The following ULK4 variants were observed in gnomAD, a reference collection of about 807,000 sequenced individuals.
ULK4 encodes the protein unc-51 like kinase 4.
ULK4 carries 133 observed loss-of-function variants against 160.6 expected under a neutral mutation model. The ratio of observed to expected loss-of-function variants is 0.83; its 90% CI spans 0.72 to 0.96. The LOEUF (loss-of-function observed/expected upper bound fraction) is 0.96. Ranked by LOEUF, ULK4 falls within the 40% of genes least tolerant of loss-of-function variation. The probability of loss-of-function intolerance (pLI) is 0.00; values close to 1 mark genes in which losing one functional copy is unlikely to be tolerated. For missense variants in ULK4, 1,580 were observed against 1,499.5 expected, an observed-to-expected ratio of 1.05 and a Z score of -0.89; for synonymous variants, 534 against 539.8, an observed-to-expected ratio of 0.99 and a Z score of 0.15.
At chr3:41,291,293 G>A (rs2079556158) in intron 35 of ULK4, among the ~76,000 whole-genome samples, 3 of 149,194 alleles carry the variant, frequency 2.0e-5, no homozygotes, top group East Asian at 2.0e-4. Context: ...AGAGAGATAA[G>A]TATAAGAGGA....
intron 31 of ULK4, among the ~76,000 whole-genome samples, chr3:41,583,982 T>G (rs1204323967): frequency 6.6e-6 from 1 of 152,186 alleles, no homozygotes; most frequent in Non-Finnish European, 1.5e-5. Flanking sequence ...CAAAACCTAT[T>G]TGCTTCCAAA....
intron 35 of ULK4, among the ~76,000 whole-genome samples, chr3:41,331,205 C>G (rs6805049): frequency 1.3e-5 from 2 of 152,092 alleles, no homozygotes; most frequent in Non-Finnish European, 1.5e-5. Flanking sequence ...TTGTACCAAG[C>G]AGATGTCCAG....
At chr3:41,587,501 A>T (rs559639007) in intron 31 of ULK4, among the ~76,000 whole-genome samples, 20 of 152,176 alleles carry the variant, frequency 1.3e-4, no homozygotes, top group Non-Finnish European at 2.5e-4. Flanking sequence ...TTGAGGTTGA[A>T]TTTGACTCCA....
At chr3:41,825,979 GC>G (rs1455845084) in intron 18 of ULK4, among the ~76,000 whole-genome samples, 1 of 152,168 alleles carries the variant, frequency 6.6e-6, no homozygotes, top group East Asian at 1.9e-4. Flanking sequence ...AACTCTACAA[GC>G]CAGAAGAGAG....
intron 35 of ULK4, among the ~76,000 whole-genome samples, chr3:41,366,872 T>C (rs764446681): frequency 3.3e-5 from 5 of 152,296 alleles, no homozygotes; most frequent in Middle Eastern, 3.4e-3. Context: ...GGCTTTTGAA[T>C]CTGTTTGATG....
At chr3:41,929,516 A>G (rs1699509963) in intron 5 of ULK4, among the ~76,000 whole-genome samples, 1 of 152,206 alleles carries the variant, frequency 6.6e-6, no homozygotes, top group South Asian at 2.1e-4. Context: ...AGAAAGAAAT[A>G]AAGGGTATTC....
At chr3:41,954,550 G>A in intron 2 of ULK4, 72 bp downstream of exon 2, 5 of 1,513,672 alleles carry the variant, frequency 3.3e-6, no homozygotes, top group Non-Finnish European at 4.4e-6. Flanking sequence ...AATGACTACT[G>A]TGAAAATGCT....
At chr3:41,474,541 C>T (rs930191918) in intron 32 of ULK4, among the ~76,000 whole-genome samples, 112 of 152,110 alleles carry the variant, frequency 7.4e-4, no homozygotes, top group African/African-American at 2.6e-3. Context: ...GCACAACACA[C>T]TCTGCAAAAT....
At chr3:41,882,305 C>A in intron 17 of ULK4, 1 of 702,242 alleles carries the variant, frequency 1.4e-6, no homozygotes, top group Non-Finnish European at 2.6e-6. Context: ...GAAATAAATA[C>A]ATAAAATGCC....
chr3:41,552,702 C>T (rs1174371036), intron 32 of ULK4, among the ~76,000 whole-genome samples: 1 of 150,970 alleles, frequency 6.6e-6, no homozygotes, highest in Admixed American at 6.6e-5. Flanking sequence ...CAATTCCTAT[C>T]AAAGTACTGA....
intron 35 of ULK4, among the ~76,000 whole-genome samples, chr3:41,326,140 G>T (rs576002765): frequency 6.6e-6 from 1 of 152,124 alleles, no homozygotes; most frequent in Non-Finnish European, 1.5e-5. Flanking sequence ...ATGGGCAGGG[G>T]GGGGCTCCCC....
intron 35 of ULK4, among the ~76,000 whole-genome samples, chr3:41,360,620 A>G (rs2081123068): frequency 6.6e-6 from 1 of 152,192 alleles, no homozygotes; most frequent in Non-Finnish European, 1.5e-5. Flanking sequence ...TTGCAGGGAC[A>G]TGGTTGGAGC....
rs539815036 is a variant in ULK4, at chr3:41,900,087, G to A, written c.1287+638C>T. The stretch of plus-strand genomic sequence containing the variant: ...AGTCAAGACAAAACAGAGGGACTTA[G>A]AAATGAATTTGTTTTTTAAAGTAGA... On this transcript the variant is annotated intron_variant, in intron 13 of 36. Transcript: ENST00000301831. Among the ~76,000 whole-genome samples, 4 of 152,278 alleles carry A rather than the reference G, an allele frequency of 2.6e-5. No individual in the cohort carries two copies. In the South Asian group the frequency reaches 8.3e-4, roughly 32 times the overall value.
intron 29 of ULK4, among the ~76,000 whole-genome samples, chr3:41,666,765 A>G (rs969431538): frequency 1.3e-5 from 2 of 152,368 alleles, no homozygotes; most frequent in East Asian, 3.9e-4. Context: ...ACTACTACTT[A>G]GAAATATAAC....
chr3:41,527,643 T>A (rs1451075820), intron 32 of ULK4, among the ~76,000 whole-genome samples: 4 of 152,206 alleles, frequency 2.6e-5, no homozygotes, highest in Admixed American at 2.6e-4. Context: ...TAAACACAGG[T>A]ACGAACAGCT....
Position 41,249,718 on chromosome 3 carries a change from C to A in ULK4, c.3679-144G>T, listed in dbSNP as rs948031439. 5.2e-6 allele frequency: 4 copies of A among 763,354 alleles called. No individual in the cohort carries two copies. The African/African-American group carries it at 7.1e-5, about 13-fold the overall frequency. The allele number at this position is 763,354 out of a possible 1,614,324, so 47.3% of individuals were successfully genotyped here. On this transcript the variant is annotated intron_variant, in intron 35 of 36. Coordinates refer to ENST00000301831, the MANE Select transcript of ULK4 (RefSeq NM_017886.4). ...GGGTGTCCCCTGGGCTTGTCTGTAA[C>A]CCCCATGCGTAACCTCCCCCACAGA...
intron 32 of ULK4, among the ~76,000 whole-genome samples, chr3:41,510,330 A>G (rs781352996): frequency 3.3e-5 from 5 of 152,200 alleles, no homozygotes; most frequent in Non-Finnish European, 5.9e-5. Flanking sequence ...CAAATTTATA[A>G]AACAATTACT....
intron 22 of ULK4, among the ~76,000 whole-genome samples, chr3:41,752,051 G>A (rs1423035477): frequency 2.6e-5 from 4 of 152,196 alleles, no homozygotes; most frequent in Admixed American, 6.5e-5. Flanking sequence ...TACTGGAGGA[G>A]TCCAAGCAGG....
At chr3:41,452,162 T>C (rs531608221) in intron 34 of ULK4, among the ~76,000 whole-genome samples, 29 of 152,294 alleles carry the variant, frequency 1.9e-4, no homozygotes, top group African/African-American at 6.7e-4. Context: ...GCCATCTATC[T>C]GCTCCAAGTT....
Sources: allele counts gnomAD v4.1 joint callset (sites outside exome capture counted in the v4.1 genomes callset), GRCh38; gene constraint gnomAD v4.1.1; transcripts MANE v1.5; gene names NCBI Gene and HGNC (gene_info 2026-07-23, HGNC 2026-07-21).